The following SMUG1 variants were observed in gnomAD, a reference collection of about 807,000 sequenced individuals.
SMUG1 encodes single-strand selective monofunctional uracil DNA glycosylase.
A neutral mutation model predicts 23.9 loss-of-function variants in SMUG1; 13 were observed. That is an observed-to-expected ratio of 0.54 (90% confidence interval 0.35 to 0.86). SMUG1 has a LOEUF of 0.86. Among genes scored for constraint, SMUG1 ranks in the 40% least tolerant of loss-of-function variants. SMUG1 has a pLI of 0.01. For missense variants in SMUG1, 313 were observed against 339.5 expected (o/e 0.92, Z 0.61); for synonymous variants, 133 against 139.8 (o/e 0.95, Z 0.34).
chr12:54,165,189 T>C (rs1347959449), intron 4 of SMUG1, among the ~76,000 whole-genome samples: 3 of 152,220 alleles, frequency 2.0e-5, no homozygotes, highest in African/African-American at 7.2e-5. Context: ...TTCACTCTCA[T>C]GGCAACCCCT....
intron 2 of SMUG1, among the ~76,000 whole-genome samples, chr12:54,185,895 A>G (rs1446264431): frequency 2.0e-5 from 3 of 151,994 alleles, no homozygotes; most frequent in Non-Finnish European, 1.5e-5. Flanking sequence ...AGGAAGAAGA[A>G]AGGGAAGAGA....
downstream of SMUG1, among the ~76,000 whole-genome samples, chr12:54,161,271 G>A (rs1940252496): frequency 6.6e-6 from 1 of 152,034 alleles, no homozygotes; most frequent in Non-Finnish European, 1.5e-5. This position sits in a 1 kb window ranked among gnomAD's most constrained non-coding sequence, Gnocchi z 4.2. Flanking sequence ...TAATGGCACA[G>A]ATCATTAAAC....
intron 3 of SMUG1, among the ~76,000 whole-genome samples, chr12:54,165,976 G>A (rs1367383019): frequency 6.6e-6 from 1 of 152,240 alleles, no homozygotes; most frequent in Non-Finnish European, 1.5e-5. Context: ...ACAAGTGTGA[G>A]AAGATTTTGC....
chr12:54,176,525 GGCCGGGCACGGTGGCTCAT>G (rs1940760760), downstream of SMUG1, among the ~76,000 whole-genome samples: 1 of 55,200 alleles, frequency 1.8e-5, no homozygotes, highest in South Asian at 7.3e-4. Flanking sequence ...CAAAAAAAAA[GGCCGGGCACGGTGGCTCAT>G]GCCTGTGATC....
downstream of SMUG1, among the ~76,000 whole-genome samples, chr12:54,161,085 C>T (rs1007884602): frequency 2.6e-5 from 4 of 152,176 alleles, no homozygotes; most frequent in South Asian, 2.1e-4. This position sits in a 1 kb window ranked among gnomAD's most constrained non-coding sequence, Gnocchi z 4.2. Flanking sequence ...TTGTGCACAT[C>T]GTCACCCCAT....
rs1408330625 is a variant in SMUG1, at chr12:54,181,264, C to T, written c.*832G>A. ...CCCTGGCCGCAGGTGGAAGCCCAGA[C>T]TCTCTCCTAGCAAGGTATCCAGAAT... On this transcript the variant is annotated 3_prime_UTR_variant, in exon 4 of 4. Transcript: ENST00000682136. The T allele has an allele frequency of 5.4e-6, 2 of 370,036 alleles. No homozygotes were observed. The highest frequency in any genetic ancestry group is 1.4e-4 in the South Asian group (2 of 14,466). 22.9% of individuals were successfully genotyped at this position (370,036 alleles called of 1,614,324 possible).
chr12:54,183,546 G>T, intron 3 of SMUG1, 110 bp downstream of exon 3: 2 of 1,095,206 alleles, frequency 1.8e-6, no homozygotes, highest in Non-Finnish European at 2.7e-6. Flanking sequence ...TGGGGCGGGA[G>T]GACCTACACA....
rs1052946164 is a variant in SMUG1 at position 54,181,954 on chromosome 12, C to G, written c.*142G>C. Reference sequence around the variant, plus strand: ...TGCCATGGCAGGTTGGAAGACAGTTCAACAGATCAAAGAATACGTTTCCCA... The same window carrying G: ...TGCCATGGCAGGTTGGAAGACAGTTGAACAGATCAAAGAATACGTTTCCCA... On this transcript the variant is annotated 3_prime_UTR_variant, in exon 4 of 4. Transcript: ENST00000682136. The G allele has an allele frequency of 6.7e-7, 1 of 1,492,064 alleles. No individual in the cohort carries two copies. Among genetic ancestry groups the G allele is most frequent in the African/African-American group, 1.4e-5 (1 of 71,256 alleles). The allele number at this position is 1,492,064 out of a possible 1,614,324, so 92.4% of individuals were successfully genotyped here. A position where few individuals can be genotyped will look rare whatever the true frequency, so the allele number is the denominator to read the frequency against.
chr12:54,182,286 C>T lies in SMUG1; in HGVS notation c.623G>A (p.Arg208Gln), dbSNP rs756123207. Residue 208 changes from arginine (R) to glutamine (Q), a missense_variant, in exon 4 of 4, where the codon CGG becomes CAG. Physicochemically the swap from Arg to Gln is conservative, Grantham distance 43. Transcript: ENST00000682136. ...LCRQVQLLGV[R>Q]LVVGVGRLAE... ...CAGTCGCCCAACTCCCACCACCAGC[C>T]GCACCCCCAGCAGCTGCACCTGCCG... 124 of 1,612,574 alleles carry T rather than the reference C, an allele frequency of 7.7e-5. No homozygotes were observed. The highest frequency in any genetic ancestry group is 6.6e-4 in the Middle Eastern group (4 of 6,060).
At chr12:54,177,439 C>A (rs184771480), downstream of SMUG1, among the ~76,000 whole-genome samples, 2 of 152,278 alleles carry the variant, frequency 1.3e-5, no homozygotes, top group Admixed American at 1.3e-4. Flanking sequence ...AATCAGTAGT[C>A]ACTAGCCATG....
chr12:54,185,056 C>T (rs1261770951), intron 2 of SMUG1, among the ~76,000 whole-genome samples: 1 of 152,074 alleles, frequency 6.6e-6, no homozygotes, highest in African/African-American at 2.4e-5. Context: ...AGCCTGTAAT[C>T]CCAGCACTTT....
downstream of SMUG1, among the ~76,000 whole-genome samples, chr12:54,161,584 C>T (rs1037508408): frequency 1.3e-5 from 2 of 152,266 alleles, no homozygotes; most frequent in African/African-American, 4.8e-5. The surrounding 1 kb of genome is among the most constrained non-coding windows in gnomAD (Gnocchi z 4.2). Flanking sequence ...CTCTCCACTT[C>T]TCCCACTGTT....
chr12:54,183,669 A>T lies in SMUG1; in HGVS notation c.272T>A (p.Met91Lys). The T allele has an allele frequency of 6.2e-7, 1 of 1,613,910 alleles. No individual in the cohort carries two copies. Among genetic ancestry groups the T allele is most frequent in the East Asian group, 2.2e-5 (1 of 44,858 alleles). ...CAAACCCTTTACCCCAGTCTGGGCC[A>T]TGCCAAAAGGTCCAGGGTTCATGCC... The part of the protein sequence containing the change: ...FLGMNPGPFG[M>K]AQTGVPFGEV... The change falls in exon 3 of 4, where the codon ATG becomes AAG. Residue 91 changes from methionine to lysine, a missense_variant. By Grantham distance (95) the Met-to-Lys change is moderately conservative. Coordinates refer to ENST00000682136, the MANE Select transcript of SMUG1 (RefSeq NM_001243787.2).
At position 54,183,914 on chromosome 12, in the gene SMUG1, G is replaced by T; in HGVS notation, c.27C>A (p.Ser9=). 1 of 1,590,948 alleles carries T rather than the reference G, an allele frequency of 6.3e-7. No individual in the cohort carries two copies. The change falls in exon 3 of 4, where the codon TCC becomes TCA. Residue 9 remains serine, a synonymous_variant. Transcript: ENST00000682136. ...TGAGGGCACCTGCAGGCTCATGGAT[G>T]GACCCCAGCAGGAAAGCCTGGGGCA... is the stretch of plus-strand genomic sequence containing the variant. MPQAFLLG[S]IHEPAGALME...
rs1940968542 is a variant in SMUG1 at position 54,180,937 on chromosome 12, GAGACC to G, written c.*1154_*1158del. The G allele has an allele frequency of 6.7e-6, 1 of 150,218 alleles. No individual in the cohort carries two copies. 9.3% of individuals were successfully genotyped at this position (150,218 alleles called of 1,614,324 possible). A position where few individuals can be genotyped will look rare whatever the true frequency, so the allele number is the denominator to read the frequency against. On this transcript the variant is annotated 3_prime_UTR_variant, in exon 4 of 4. Transcript: ENST00000682136. Reference sequence around the variant, plus strand: ...GGGAAAGCAGATGTTGCAGTGAACTGAGACCATGCCACTGCACTCCAGCCTGGGCA... The same window carrying G: ...GGGAAAGCAGATGTTGCAGTGAACTGATGCCACTGCACTCCAGCCTGGGCA...
chr12:54,171,040 T>A (rs538879822), intron 3 of SMUG1, among the ~76,000 whole-genome samples: 1 of 150,950 alleles, frequency 6.6e-6, no homozygotes, highest in South Asian at 2.1e-4. Context: ...CTGTCACCCA[T>A]GCTGGAGTGC....
chr12:54,165,771 T>C (rs961433733), intron 3 of SMUG1, among the ~76,000 whole-genome samples: 4 of 152,186 alleles, frequency 2.6e-5, no homozygotes, highest in African/African-American at 9.7e-5. Context: ...GATTTTAAAA[T>C]GTCCTGGGAA....
intron 4 of SMUG1, among the ~76,000 whole-genome samples, chr12:54,158,985 A>G (rs909942998): frequency 2.0e-5 from 3 of 152,088 alleles, no homozygotes; most frequent in Non-Finnish European, 4.4e-5. Flanking sequence ...TTAATATCCT[A>G]TCCCAGTTTC....
At chr12:54,184,510 C>T (rs1941873499) in intron 2 of SMUG1, among the ~76,000 whole-genome samples, 1 of 152,220 alleles carries the variant, frequency 6.6e-6, no homozygotes, top group Non-Finnish European at 1.5e-5. Flanking sequence ...ACAACAATCC[C>T]ATGAGGTGGG....
Sources: gnomAD v4.1 joint callset for allele counts (sites outside exome capture counted in the v4.1 genomes callset) on GRCh38, gnomAD v4.1.1 for gene constraint, Gnocchi (gnomAD v3.1) non-coding constraint, MANE v1.5 for transcripts, NCBI Gene and HGNC (gene_info 2026-07-23, HGNC 2026-07-21) for gene names.